UAP1: variants seen among roughly 807,000 people sequenced by gnomAD.
UAP1 encodes the protein UDP-N-acetylglucosamine pyrophosphorylase 1.
Under a neutral mutation model 58.5 loss-of-function variants are expected in UAP1, and 25 were observed. That is an observed-to-expected ratio of 0.43 (90% confidence interval 0.31 to 0.60). The LOEUF is 0.60. UAP1 is among the 20% of genes least tolerant of loss of function. The pLI, the probability that UAP1 is intolerant of heterozygous loss-of-function variation, is 0.11. For missense variants in UAP1, 575 were observed against 630.0 expected, an observed-to-expected ratio of 0.91 and a Z score of 0.93; for synonymous variants, 208 against 213.0, an observed-to-expected ratio of 0.98 and a Z score of 0.21.
At position 162,570,691 on chromosome 1, in the gene UAP1, G is replaced by T. The variant is rs113642583; in HGVS notation, c.280+4343G>T. Among the ~76,000 whole-genome samples, 577 of 152,062 alleles carry T rather than the reference G, an allele frequency of 3.8e-3. 2 individuals carry two copies. The highest frequency in any genetic ancestry group is 0.013 in the African/African-American group (545 of 41,466). On this transcript the variant is annotated intron_variant, in intron 2 of 10. Coordinates refer to ENST00000271469, the Ensembl canonical transcript of UAP1. ...CTGCTTTTTGTGCTTACTATTTTGG[G>T]GAAATATTGTAGTTTCTTTCAGCTA...
chr1:162,566,038 T>G, exon 2 of UAP1: 1 of 1,598,174 alleles, frequency 6.3e-7, no homozygotes, highest in East Asian at 2.2e-5. Context: ...ATTACACCCC[T>G]ATTTCTACAA....
At chr1:162,567,590 C>T (rs1653595584) in intron 2 of UAP1, among the ~76,000 whole-genome samples, 1 of 152,198 alleles carries the variant, frequency 6.6e-6, no homozygotes, top group Non-Finnish European at 1.5e-5. Context: ...CTGATTCCCT[C>T]AGTGTTGGTA....
chr1:162,581,530 A>G, intron 5 of UAP1, 71 bp downstream of exon 5: 1 of 1,448,358 alleles, frequency 6.9e-7, no homozygotes, highest in Non-Finnish European at 9.3e-7. Context: ...CCAGAAGTCA[A>G]ACCAAGTTTA....
At chr1:162,566,446 A>G in intron 2 of UAP1, 98 bp downstream of exon 2, 1 of 1,266,754 alleles carries the variant, frequency 7.9e-7, no homozygotes. Flanking sequence ...GATTCATACT[A>G]CATTAAACCA....
At position 162,564,475 on chromosome 1, in the gene UAP1, A is replaced by G. The variant is rs1315190430; in HGVS notation, c.-57-1537A>G. ...TAACCTCTGTCTCTCACATCGAAGC[A>G]ATTATAATGCAGTGATGATTCTTTA... On this transcript the variant is annotated intron_variant, in intron 1 of 10. Transcript: ENST00000271469. Among the ~76,000 whole-genome samples, 6 of 152,222 alleles carry G rather than the reference A, an allele frequency of 3.9e-5. No homozygotes were observed. The South Asian group carries it at 8.3e-4, about 21-fold the overall frequency.
chr1:162,562,739 G>C (rs1266347848), intron 1 of UAP1, among the ~76,000 whole-genome samples: 1 of 152,142 alleles, frequency 6.6e-6, no homozygotes, highest in Non-Finnish European at 1.5e-5. Context: ...CACTTAGCTG[G>C]AGCAAAGAAA....
At chr1:162,583,394 CCACA>C (rs1257567712) in intron 5 of UAP1, among the ~76,000 whole-genome samples, 2 of 151,920 alleles carry the variant, frequency 1.3e-5, no homozygotes, top group African/African-American at 4.8e-5. Flanking sequence ...ACCTCATGAT[CCACA>C]CACCTCAGCC....
At chr1:162,576,681 C>T (rs1335744843) in intron 2 of UAP1, 96 bp from the exon 3 acceptor site, 4 of 1,182,130 alleles carry the variant, frequency 3.4e-6, no homozygotes, top group Admixed American at 4.2e-5. Context: ...TATAGCCTTA[C>T]TTCCTTTTTG....
intron 2 of UAP1, among the ~76,000 whole-genome samples, chr1:162,571,892 G>A (rs1277524068): frequency 6.6e-6 from 1 of 152,212 alleles, no homozygotes; most frequent in Non-Finnish European, 1.5e-5. Flanking sequence ...GTGAACAATA[G>A]CTGTAGCTGC....
At chr1:162,591,585 A>C (rs1463385797) in intron 8 of UAP1, among the ~76,000 whole-genome samples, 1 of 152,010 alleles carries the variant, frequency 6.6e-6, no homozygotes, top group African/African-American at 2.4e-5. Context: ...TCCTGGGTTC[A>C]TGTGATTCTC....
chr1:162,596,669 G>A (rs1196705744), intron 9 of UAP1, among the ~76,000 whole-genome samples: 1 of 152,180 alleles, frequency 6.6e-6, no homozygotes, highest in African/African-American at 2.4e-5. Flanking sequence ...TAAGTAAGGT[G>A]AAGTAGGATA....
intron 7 of UAP1, among the ~76,000 whole-genome samples, chr1:162,589,287 T>C (rs1164528575): frequency 7.6e-6 from 1 of 132,050 alleles, no homozygotes; most frequent in East Asian, 2.0e-4. Context: ...TATATAAATA[T>C]ATATTGTTTA....
At chr1:162,566,443 A>G in intron 2 of UAP1, 95 bp downstream of exon 2, 1 of 1,292,764 alleles carries the variant, frequency 7.7e-7, no homozygotes, top group African/African-American at 1.5e-5. Context: ...TTTGATTCAT[A>G]CTACATTAAA....
At chr1:162,595,886 C>G (rs1369622912) in intron 9 of UAP1, among the ~76,000 whole-genome samples, 2 of 152,274 alleles carry the variant, frequency 1.3e-5, no homozygotes, top group East Asian at 3.9e-4. Context: ...GTGTCTTGCT[C>G]TGTTGCCCAG....
rs932959438 is a variant in UAP1, at chr1:162,561,705, G to C, written c.-130G>C. 1.3e-5 allele frequency: 2 copies of C among 152,316 alleles called. No individual in the cohort carries two copies. The highest frequency in any genetic ancestry group is 1.5e-5 in the Non-Finnish European group (1 of 68,102). 9.4% of individuals were successfully genotyped at this position (152,316 alleles called of 1,614,324 possible). A position where few individuals can be genotyped will look rare whatever the true frequency, so the allele number is the denominator to read the frequency against. On this transcript the variant is annotated 5_prime_UTR_variant, in exon 1 of 11. Coordinates refer to ENST00000271469, the Ensembl canonical transcript of UAP1. ...CCGGATGAGGGTATATATTCGGAGC[G>C]AGCGCGGGACGCCGATGAGTGGCCG... is the stretch of plus-strand genomic sequence containing the variant.
intron 1 of UAP1, 53 bp downstream of exon 1, chr1:162,561,830 G>A (rs1036067341): frequency 3.3e-5 from 5 of 152,594 alleles, no homozygotes; most frequent in East Asian, 1.9e-4. Flanking sequence ...ACCCGGGCGG[G>A]CGGAGGGCCT....
At chr1:162,570,080 C>T (rs137897246) in intron 2 of UAP1, among the ~76,000 whole-genome samples, 2,959 of 150,154 alleles carry the variant, frequency 0.02, 41 homozygotes, top group Non-Finnish European at 0.031. Context: ...ACCCAGGAGG[C>T]GGAGCTTGCA....
chr1:162,566,305 T>C, exon 2 of UAP1: 1 of 1,614,164 alleles, frequency 6.2e-7, no homozygotes, highest in African/African-American at 1.3e-5. Context: ...TATTAGGCAG[T>C]GCTACAAGGG....
At chr1:162,569,798 C>T (rs934702541) in intron 2 of UAP1, among the ~76,000 whole-genome samples, 2 of 152,164 alleles carry the variant, frequency 1.3e-5, no homozygotes, top group African/African-American at 4.8e-5. Context: ...TTAACATTAT[C>T]TCCTCTACAT....
Sources: gnomAD v4.1 joint callset for allele counts (sites outside exome capture counted in the v4.1 genomes callset) on GRCh38, gnomAD v4.1.1 for gene constraint, MANE v1.5 for transcripts, NCBI Gene and HGNC (gene_info 2026-07-23, HGNC 2026-07-21) for gene names.